PRRC2C: variants seen among roughly 807,000 people sequenced by gnomAD.
The protein encoded by PRRC2C is proline rich coiled-coil 2C.
In PRRC2C, 72 loss-of-function variants were observed where a neutral mutation model predicts 317.2. The observed-to-expected ratio is 0.23, with a 90% CI of 0.19 to 0.28. The LOEUF is 0.28. Ranked by LOEUF, PRRC2C falls within the 10% of genes least tolerant of loss-of-function variation. PRRC2C has a pLI of 1.00. For missense variants in PRRC2C, 3,074 were observed against 3,459.7 expected (o/e 0.89, Z 2.80); for synonymous variants, 1,296 against 1,205.9 (o/e 1.07, Z -1.55).
intron 18 of PRRC2C, among the ~76,000 whole-genome samples, chr1:171,555,183 ACTTCT>A (rs1571977969): frequency 6.6e-6 from 1 of 151,600 alleles, no homozygotes; most frequent in African/African-American, 2.4e-5. Context: ...TTTTCTCTAA[ACTTCT>A]CTTCTCGCTT....
intron 11 of PRRC2C, among the ~76,000 whole-genome samples, chr1:171,531,908 C>T (rs943268755): frequency 2.0e-5 from 3 of 152,140 alleles, no homozygotes; most frequent in Admixed American, 6.6e-5. Flanking sequence ...TGTAGCTGTA[C>T]CTTAATTTTC....
At chr1:171,576,236 G>A (rs1685673218) in intron 25 of PRRC2C, among the ~76,000 whole-genome samples, 1 of 152,188 alleles carries the variant, frequency 6.6e-6, no homozygotes, top group Non-Finnish European at 1.5e-5. Context: ...AAAGGAAACA[G>A]GAGAGTATGG....
chr1:171,512,364 A>G (rs1352375200), intron 2 of PRRC2C, 164 bp downstream of exon 2: 6 of 558,210 alleles, frequency 1.1e-5, no homozygotes, highest in Middle Eastern at 4.7e-4. Flanking sequence ...TGTGATAAAC[A>G]TCTTATAATT....
At chr1:171,535,351 C>T in intron 12 of PRRC2C, 77 bp from the exon 13 acceptor site, 1 of 1,307,386 alleles carries the variant, frequency 7.6e-7, no homozygotes, top group Non-Finnish European at 1.0e-6. Context: ...TTTATTATAC[C>T]TCAGTCTTTG....
chr1:171,545,779 AAAG>A, intron 17 of PRRC2C, 92 bp downstream of exon 17: 1 of 910,556 alleles, frequency 1.1e-6, no homozygotes, highest in African/African-American at 1.8e-5. Context: ...TGCCACAATT[AAAG>A]AAGTTTTCCA....
intron 18 of PRRC2C, among the ~76,000 whole-genome samples, chr1:171,555,478 G>A (rs556916614): frequency 2.0e-5 from 3 of 152,348 alleles, no homozygotes; most frequent in East Asian, 3.8e-4. Flanking sequence ...ACTTGTCAAA[G>A]TCATTCTCTG....
At chr1:171,572,096 T>C (rs1332779291) in intron 24 of PRRC2C, among the ~76,000 whole-genome samples, 5 of 152,010 alleles carry the variant, frequency 3.3e-5, no homozygotes, top group African/African-American at 1.2e-4. Context: ...GTCTTTGGAG[T>C]AGTCAGTAGT....
chr1:171,557,861 G>GCCCCTA lies in PRRC2C; in HGVS notation c.5754_5759dup (p.Thr1919_Pro1920dup), dbSNP rs1429211705. 1 of 1,256,686 alleles carries GCCCCTA rather than the reference G, an allele frequency of 8.0e-7. No individual in the cohort carries two copies. Among genetic ancestry groups the GCCCCTA allele is most frequent in the Non-Finnish European group, 1.1e-6 (1 of 949,088 alleles). The allele number at this position is 1,256,686 out of a possible 1,614,324, so 77.8% of individuals were successfully genotyped here. ...TGCCTCAGCTTCAGCCCCAGCCCCA[G>GCCCCTA]CCCCTACCCCAGTCTCAGCCCCAAA... is the stretch of plus-strand genomic sequence containing the variant. On this transcript the variant is annotated inframe_insertion, in exon 19 of 35. Transcript: ENST00000647382.
chr1:171,541,346 C>T lies in PRRC2C; in HGVS notation c.3880C>T (p.Arg1294Trp), dbSNP rs746154143. 8.7e-6 allele frequency: 14 copies of T among 1,611,894 alleles called. No individual in the cohort carries two copies. In the South Asian group the frequency reaches 8.8e-5, roughly 10 times the overall value. ...SKGKLPKREERPENKKPVKPH... is the reference protein window; with the variant it reads ...SKGKLPKREEWPENKKPVKPH... The stretch of plus-strand genomic sequence containing the variant: ...AGGCAAACTTCCCAAAAGAGAGGAA[C>T]GGCCTGAAAACAAAAAACCTGTAAA... Residue 1294 changes from arginine (R) to tryptophan (W), a missense_variant, in exon 16 of 35, where the codon CGG becomes TGG. By Grantham distance (101) the Arg-to-Trp change is moderately radical (BLOSUM62 -3). Transcript: ENST00000647382. The surrounding 1 kb of genome is among the most constrained non-coding windows in gnomAD (Gnocchi z 4.1).
intron 11 of PRRC2C, 118 bp from the exon 12 acceptor site, chr1:171,532,225 G>A: frequency 9.6e-7 from 1 of 1,040,906 alleles, no homozygotes; most frequent in Admixed American, 3.0e-5. Context: ...ATTTTAATGT[G>A]TATGTTCATC....
chr1:171,534,429 A>G (rs930344608), intron 12 of PRRC2C, among the ~76,000 whole-genome samples: 6 of 151,794 alleles, frequency 4.0e-5, no homozygotes, highest in Admixed American at 2.6e-4. Context: ...TGGCAATTTA[A>G]TTTTAGCTTG....
At chr1:171,500,038 T>C (rs1383510967) in intron 1 of PRRC2C, among the ~76,000 whole-genome samples, 1 of 152,260 alleles carries the variant, frequency 6.6e-6, no homozygotes, top group Non-Finnish European at 1.5e-5. Context: ...TTGTCGTTCA[T>C]TTTTAATGTT....
intron 11 of PRRC2C, among the ~76,000 whole-genome samples, chr1:171,530,560 A>AT (rs965797088): frequency 1.0e-4 from 15 of 149,152 alleles, no homozygotes; most frequent in East Asian, 7.9e-4. Context: ...CCGTATTTTT[A>AT]TTTTTTTTTT....
At chr1:171,490,866 C>G (rs1327693288) in intron 1 of PRRC2C, among the ~76,000 whole-genome samples, 1 of 152,112 alleles carries the variant, frequency 6.6e-6, no homozygotes, top group Non-Finnish European at 1.5e-5. Context: ...TGTTTTAAAA[C>G]CTAGGTTTAG....
At position 171,540,016 on chromosome 1, in the gene PRRC2C, T is replaced by G. The variant is rs762321201; in HGVS notation, c.2550T>G (p.Ser850=). The G allele has an allele frequency of 8.6e-5, 138 of 1,613,796 alleles. No individual in the cohort carries two copies. The highest frequency in any genetic ancestry group is 1.1e-4 in the Non-Finnish European group (131 of 1,179,856). ...AGGAACAGATTACTGCTGCTTATTCTGTAGAACATAATCAATTAGAGGCTC... is the reference window on the plus strand; with the variant it reads ...AGGAACAGATTACTGCTGCTTATTCGGTAGAACATAATCAATTAGAGGCTC... ...LDQEQITAAY[S]VEHNQLEAHP... is the part of the protein sequence containing the mutation. Residue 850 remains serine (S), a synonymous_variant, in exon 16 of 35, where the codon TCT becomes TCG. Coordinates refer to ENST00000647382, the MANE Select transcript of PRRC2C (RefSeq NM_001387844.1).
intron 19 of PRRC2C, among the ~76,000 whole-genome samples, chr1:171,558,842 A>C (rs986619899): frequency 4.6e-5 from 7 of 152,258 alleles, no homozygotes; most frequent in Admixed American, 2.0e-4. Flanking sequence ...GCTGGGAACG[A>C]CTAAGCTTAT....
chr1:171,526,689 G>A (rs191084349), intron 10 of PRRC2C, among the ~76,000 whole-genome samples: 1 of 151,838 alleles, frequency 6.6e-6, no homozygotes, highest in East Asian at 1.9e-4. Flanking sequence ...TGAAATAGCA[G>A]AGTGATTGCA....
intron 34 of PRRC2C, among the ~76,000 whole-genome samples, chr1:171,590,829 T>G (rs536109111): frequency 4.1e-4 from 63 of 152,340 alleles, no homozygotes; most frequent in African/African-American, 1.3e-3. Context: ...CATATTCCCA[T>G]GTTGGAAATA....
intron 1 of PRRC2C, among the ~76,000 whole-genome samples, chr1:171,500,873 A>G (rs1464588493): frequency 6.6e-6 from 1 of 152,080 alleles, no homozygotes; most frequent in Non-Finnish European, 1.5e-5. Context: ...TGTACAAAAT[A>G]TGGAAAATGC....
Sources: allele counts gnomAD v4.1 joint callset (sites outside exome capture counted in the v4.1 genomes callset), GRCh38; gene constraint gnomAD v4.1.1; non-coding constraint Gnocchi (gnomAD v3.1); transcripts MANE v1.5; gene names NCBI Gene and HGNC (gene_info 2026-07-23, HGNC 2026-07-21).